Variants in PCDH7 observed in about 807,000 individuals in gnomAD.
The protein encoded by PCDH7 is protocadherin 7.
A neutral mutation model predicts 58.9 loss-of-function variants in PCDH7; 17 were observed. The observed-to-expected ratio is 0.29, with a 90% CI of 0.20 to 0.43. PCDH7 has a LOEUF of 0.43. PCDH7 is among the 20% of genes least tolerant of loss of function. PCDH7 has a pLI of 1.00. For synonymous variants in PCDH7, 664 were observed against 616.4 expected (o/e 1.08, Z -1.14); for missense variants, 1,274 against 1,441.0 (o/e 0.88, Z 1.88).
intron 1 of PCDH7, among the ~76,000 whole-genome samples, chr4:30,743,488 A>G (rs1276307417): frequency 6.6e-6 from 1 of 152,086 alleles, no homozygotes; most frequent in Non-Finnish European, 1.5e-5. Flanking sequence ...AATAATTGAA[A>G]AAAAAACTGG....
intron 1 of PCDH7, among the ~76,000 whole-genome samples, chr4:30,914,348 T>C (rs1256399412): frequency 6.6e-6 from 1 of 152,188 alleles, no homozygotes; most frequent in Non-Finnish European, 1.5e-5. Context: ...GAGTAGTACC[T>C]ATAGGAGGGT....
intron 3 of PCDH7, among the ~76,000 whole-genome samples, chr4:31,011,095 A>C (rs2109152153): frequency 6.6e-6 from 1 of 152,078 alleles, no homozygotes; most frequent in Admixed American, 6.6e-5. Context: ...TCCCTCAATT[A>C]ACCATTGTGA....
intron 1 of PCDH7, among the ~76,000 whole-genome samples, chr4:30,808,369 C>A (rs1346691067): frequency 6.6e-6 from 1 of 152,058 alleles, no homozygotes; most frequent in Non-Finnish European, 1.5e-5. Context: ...ATAAATAAAA[C>A]TTTTTCAGGG....
At chr4:31,023,166 C>T (rs77380951) in intron 3 of PCDH7, among the ~76,000 whole-genome samples, 3,767 of 152,232 alleles carry the variant, frequency 0.025, 70 homozygotes, top group South Asian at 0.045. Flanking sequence ...AAAAGCAGAG[C>T]ATTTAATTGG....
intron 3 of PCDH7, among the ~76,000 whole-genome samples, chr4:30,989,871 G>A (rs749159609): frequency 5.3e-5 from 8 of 152,254 alleles, no homozygotes; most frequent in Non-Finnish European, 1.0e-4. Flanking sequence ...ATTACTTTAT[G>A]TATCAAATTG....
intron 1 of PCDH7, among the ~76,000 whole-genome samples, chr4:30,772,406 T>G (rs531397163): frequency 2.0e-4 from 30 of 152,336 alleles, no homozygotes; most frequent in African/African-American, 7.2e-4. Context: ...CCTCTCTTTC[T>G]CTATCTCTTT....
chr4:30,897,253 A>G (rs1444013958), intron 1 of PCDH7, among the ~76,000 whole-genome samples: 1 of 152,142 alleles, frequency 6.6e-6, no homozygotes, highest in Admixed American at 6.5e-5. Context: ...CTCCTTTGTC[A>G]GAGACTATAC....
At chr4:31,091,528 G>A (rs968901612) in intron 3 of PCDH7, among the ~76,000 whole-genome samples, 1 of 151,690 alleles carries the variant, frequency 6.6e-6, no homozygotes, top group Non-Finnish European at 1.5e-5. Flanking sequence ...AATATCACCT[G>A]GATTTACAGT....
At chr4:30,766,140 A>G (rs1213067635) in intron 1 of PCDH7, among the ~76,000 whole-genome samples, 1 of 151,832 alleles carries the variant, frequency 6.6e-6, no homozygotes, top group Non-Finnish European at 1.5e-5. Context: ...GATTCTGATG[A>G]AAAGCCCCCT....
chr4:31,132,282 T>C (rs1313781110), intron 3 of PCDH7, among the ~76,000 whole-genome samples: 1 of 152,176 alleles, frequency 6.6e-6, no homozygotes, highest in African/African-American at 2.4e-5. Context: ...ATTCTCATTT[T>C]TCCCCCATCT....
chr4:30,772,692 G>C (rs967774434), intron 1 of PCDH7, among the ~76,000 whole-genome samples: 9 of 152,098 alleles, frequency 5.9e-5, no homozygotes, highest in Non-Finnish European at 1.5e-5. Context: ...GCTATGGATA[G>C]GTATCTTTGA....
rs560127704 is a variant in PCDH7 at position 31,017,371 on chromosome 4, T to C, written c.*7+67156T>C. Among the ~76,000 whole-genome samples the C allele has an allele frequency of 9.2e-5, 14 of 152,318 alleles. No individual in the cohort carries two copies. In the South Asian group the frequency reaches 2.7e-3, roughly 29 times the overall value. On this transcript the variant is annotated intron_variant, in intron 3 of 3. Coordinates refer to the PCDH7 transcript ENST00000509759. Reference sequence around the variant, plus strand: ...GATAAGGGCTATACTGTAAGCTCAATACAGCAAGGACTTTGTTAGCTGTTT... The same window carrying C: ...GATAAGGGCTATACTGTAAGCTCAACACAGCAAGGACTTTGTTAGCTGTTT...
At chr4:31,004,270 C>T (rs751174278) in intron 3 of PCDH7, among the ~76,000 whole-genome samples, 10 of 152,088 alleles carry the variant, frequency 6.6e-5, no homozygotes, top group Non-Finnish European at 1.3e-4. Flanking sequence ...GAGAGAAATA[C>T]GAAACCGAGC....
intron 2 of PCDH7, among the ~76,000 whole-genome samples, chr4:30,932,152 T>C (rs991727252): frequency 6.6e-6 from 1 of 152,172 alleles, no homozygotes; most frequent in African/African-American, 2.4e-5. Context: ...ACTATGTAAG[T>C]AGGTGTGCTT....
At chr4:30,882,983 A>C (rs897818987) in intron 1 of PCDH7, among the ~76,000 whole-genome samples, 1 of 152,210 alleles carries the variant, frequency 6.6e-6, no homozygotes, top group African/African-American at 2.4e-5. Context: ...AAAGAGCGGC[A>C]ATTTCCCTTT....
At chr4:30,743,206 G>T (rs890918724) in intron 1 of PCDH7, among the ~76,000 whole-genome samples, 24 of 152,082 alleles carry the variant, frequency 1.6e-4, no homozygotes, top group Non-Finnish European at 3.2e-4. Context: ...TTTTCGAAAA[G>T]AATATCTTGT....
chr4:30,829,704 C>G (rs1475987373), intron 1 of PCDH7, among the ~76,000 whole-genome samples: 1 of 152,068 alleles, frequency 6.6e-6, no homozygotes, highest in African/African-American at 2.4e-5. Flanking sequence ...TGTCACCAAT[C>G]CTAGTAAACT....
Position 31,128,369 on chromosome 4 carries a change from C to T in PCDH7, c.*8-14104C>T, listed in dbSNP as rs531735546. Among the ~76,000 whole-genome samples the T allele has an allele frequency of 3.9e-5, 6 of 152,142 alleles. 1 individual carries two copies. In the South Asian group the frequency reaches 1.2e-3, roughly 32 times the overall value. ...CTACCATGAGGCAGATAAAATTTGT[C>T]AAACTGTATTAGGTTGGCACATTGC... is the stretch of plus-strand genomic sequence containing the variant. On this transcript the variant is annotated intron_variant, in intron 3 of 3. Coordinates refer to the PCDH7 transcript ENST00000509759.
intron 1 of PCDH7, among the ~76,000 whole-genome samples, chr4:30,908,541 C>T (rs532298808): frequency 9.2e-4 from 140 of 152,060 alleles, no homozygotes; most frequent in African/African-American, 3.1e-3. Context: ...TAGAAGAAAC[C>T]GGTAAATTTC....
Sources: gnomAD v4.1 joint callset for allele counts (sites outside exome capture counted in the v4.1 genomes callset) on GRCh38, gnomAD v4.1.1 for gene constraint, MANE v1.5 for transcripts, NCBI Gene and HGNC (gene_info 2026-07-23, HGNC 2026-07-21) for gene names.